The following GALNT13 variants were observed in gnomAD, a reference collection of about 807,000 sequenced individuals.
GALNT13 encodes UDP-GalNAc:polypeptide N-acetylgalactosaminyltransferase 13.
In GALNT13, 28 loss-of-function variants were observed where a neutral mutation model predicts 64.2. The observed-to-expected ratio is 0.44, with a 90% CI of 0.32 to 0.60. The LOEUF is 0.60. Ranked by LOEUF, GALNT13 falls within the 20% of genes least tolerant of loss-of-function variation. The pLI, the probability that GALNT13 is intolerant of heterozygous loss-of-function variation, is 0.05. For synonymous variants in GALNT13, 214 were observed against 224.6 expected, an observed-to-expected ratio of 0.95 and a Z score of 0.42; for missense variants, 577 against 669.8, an observed-to-expected ratio of 0.86 and a Z score of 1.53.
intron 1 of GALNT13, among the ~76,000 whole-genome samples, chr2:153,874,398 G>A (rs930094118): frequency 6.6e-6 from 1 of 151,784 alleles, no homozygotes; most frequent in African/African-American, 2.4e-5. Flanking sequence ...CCATTCCAGG[G>A]CTTAAGGTAC....
the GALNT13 span, among the ~76,000 whole-genome samples, chr2:153,529,254 CA>C: frequency 5.9e-5 from 9 of 151,862 alleles, no homozygotes; most frequent in Non-Finnish European, 1.3e-4. Context: ...TGCAGAAATT[CA>C]AAGGATGATT....
intron 6 of GALNT13, among the ~76,000 whole-genome samples, chr2:154,243,586 T>G (rs145992653): frequency 6.6e-6 from 1 of 152,202 alleles, no homozygotes; most frequent in Non-Finnish European, 1.5e-5. Context: ...TAAATAACAC[T>G]TATAGAAATT....
the GALNT13 span, among the ~76,000 whole-genome samples, chr2:153,496,791 G>C: frequency 6.6e-6 from 1 of 152,006 alleles, no homozygotes; most frequent in South Asian, 2.1e-4. Flanking sequence ...TTCAAGACCA[G>C]CCTGGCCAAC....
chr2:154,359,816 A>G (rs908269872), intron 9 of GALNT13, among the ~76,000 whole-genome samples: 4 of 152,124 alleles, frequency 2.6e-5, no homozygotes, highest in African/African-American at 9.7e-5. Flanking sequence ...GTAAAGGTTT[A>G]CTCAAAATCA....
chr2:153,730,219 G>A, the GALNT13 span, among the ~76,000 whole-genome samples: 1 of 151,958 alleles, frequency 6.6e-6, no homozygotes. Context: ...TACCGAAAGA[G>A]CATGGTACTG....
chr2:154,208,640 G>C (rs973967230), intron 4 of GALNT13, among the ~76,000 whole-genome samples: 3 of 138,864 alleles, frequency 2.2e-5, no homozygotes, highest in Non-Finnish European at 4.7e-5. Flanking sequence ...GTGTGTGTGT[G>C]TGTGTGTGTG....
At chr2:154,066,785 T>C (rs576327291) in intron 3 of GALNT13, among the ~76,000 whole-genome samples, 3 of 152,154 alleles carry the variant, frequency 2.0e-5, no homozygotes, top group Admixed American at 2.0e-4. Context: ...AAAAAAATCA[T>C]CTGAAGATAT....
At chr2:153,334,989 A>G in the GALNT13 span, among the ~76,000 whole-genome samples, 1 of 152,112 alleles carries the variant, frequency 6.6e-6, no homozygotes, top group African/African-American at 2.4e-5. Flanking sequence ...AGTCTTTCCC[A>G]TGCTATTCAA....
the GALNT13 span, among the ~76,000 whole-genome samples, chr2:153,600,723 T>C: frequency 1.3e-5 from 2 of 152,068 alleles, no homozygotes; most frequent in Admixed American, 6.6e-5. Context: ...TAGATGCAGC[T>C]ATGTAAAGAA....
In GALNT13 at chr2:154,102,385, C is replaced by T. The variant is rs531550014; in HGVS notation, c.143-37952C>T. ...TAGCTAATTCCACTGCCAGTAACAC[C>T]CTGGCTAACCAGAGGTCCTGAGTCT... On this transcript the variant is annotated intron_variant, in intron 3 of 12. Coordinates refer to ENST00000392825, the MANE Select transcript of GALNT13 (RefSeq NM_052917.4). Among the ~76,000 whole-genome samples, 3 of 152,214 alleles carry T rather than the reference C, an allele frequency of 2.0e-5. No individual in the cohort carries two copies. The East Asian group carries it at 5.8e-4, about 29-fold the overall frequency.
the GALNT13 span, among the ~76,000 whole-genome samples, chr2:153,267,769 T>G: frequency 2.6e-5 from 4 of 152,250 alleles, no homozygotes; most frequent in Non-Finnish European, 5.9e-5. Context: ...GTGAAATTTC[T>G]GCAGCAGGCT....
At chr2:153,258,039 A>T in the GALNT13 span, among the ~76,000 whole-genome samples, 2 of 152,184 alleles carry the variant, frequency 1.3e-5, no homozygotes, top group South Asian at 4.1e-4. Context: ...GAAGAGAGGA[A>T]TTTACCCAAC....
chr2:153,454,399 C>G, the GALNT13 span, among the ~76,000 whole-genome samples: 1 of 152,156 alleles, frequency 6.6e-6, no homozygotes, highest in African/African-American at 2.4e-5. Context: ...CAGCCTGCTG[C>G]AGAATAAACT....
At chr2:154,108,950 C>T (rs1439901241) in intron 3 of GALNT13, among the ~76,000 whole-genome samples, 1 of 151,968 alleles carries the variant, frequency 6.6e-6, no homozygotes, top group Non-Finnish European at 1.5e-5. Context: ...CTGTGGTATA[C>T]AGAAGTTTGT....
chr2:153,566,347 C>CGTTTTTTTTTTTTTTTTTTTTT, the GALNT13 span, among the ~76,000 whole-genome samples: 1 of 76,412 alleles, frequency 1.3e-5, no homozygotes, highest in African/African-American at 5.6e-5. Flanking sequence ...CTTCTAATCA[C>CGTTTTTTTTTTTTTTTTTTTTT]GTTTTTTTTT....
At chr2:154,222,981 T>A (rs544493550) in intron 4 of GALNT13, among the ~76,000 whole-genome samples, 1 of 152,298 alleles carries the variant, frequency 6.6e-6, no homozygotes, top group East Asian at 1.9e-4. Context: ...ATGCCAGCTC[T>A]AGTTCAGAGT....
At position 154,225,005 on chromosome 2, in the gene GALNT13, A is replaced by G. The variant is rs74435520; in HGVS notation, c.312-17025A>G. Among the ~76,000 whole-genome samples, 371 of 152,198 alleles carry G rather than the reference A, an allele frequency of 2.4e-3. 1 individual carries two copies. Among genetic ancestry groups the G allele is most frequent in the Middle Eastern group, 0.01 (3 of 294 alleles). ...ATATCACTATAAAGATCTCTAAAAAATTGATAGGGTTCAAAGCAAGACAAG... is the reference window on the plus strand; with the variant it reads ...ATATCACTATAAAGATCTCTAAAAAGTTGATAGGGTTCAAAGCAAGACAAG... On this transcript the variant is annotated intron_variant, in intron 4 of 12. Transcript: ENST00000392825.
chr2:153,215,608 G>T, the GALNT13 span, among the ~76,000 whole-genome samples: 1 of 152,032 alleles, frequency 6.6e-6, no homozygotes, highest in African/African-American at 2.4e-5. Context: ...GGGGATGCGG[G>T]TTCAGAATTA....
In GALNT13 at chr2:154,039,548, G is replaced by A. The variant is rs1698861745; in HGVS notation, c.142+94909G>A. Among the ~76,000 whole-genome samples, 2 of 139,422 alleles carry A rather than the reference G, an allele frequency of 1.4e-5. 1 individual carries two copies. The highest frequency in any genetic ancestry group is 4.6e-4 in the South Asian group (2 of 4,326). The allele number at this position is 139,422 out of a possible 152,430, so 91.5% of individuals were successfully genotyped here. A position where few individuals can be genotyped will look rare whatever the true frequency, so the allele number is the denominator to read the frequency against. On this transcript the variant is annotated intron_variant, in intron 3 of 12. Transcript: ENST00000392825. ...ACTGCATGTTCTCACTCAAGTGGAA[G>A]CTAAAAAAACAAAAATGAGTTTATA... is the stretch of plus-strand genomic sequence containing the variant.
Sources: allele counts gnomAD v4.1 joint callset (sites outside exome capture counted in the v4.1 genomes callset), GRCh38; gene constraint gnomAD v4.1.1; transcripts MANE v1.5; gene names NCBI Gene and HGNC (gene_info 2026-07-23, HGNC 2026-07-21).